Variants in KCNAB1 observed in about 807,000 individuals in gnomAD.
The protein encoded by KCNAB1 is voltage-gated potassium channel subunit beta-1.
In KCNAB1, 35 loss-of-function variants were observed where a neutral mutation model predicts 64.6. That is an observed-to-expected ratio of 0.54 (90% CI 0.41 to 0.72). The LOEUF (loss-of-function observed/expected upper bound fraction) is 0.72. Among genes scored for constraint, KCNAB1 ranks in the 30% least tolerant of loss-of-function variants. KCNAB1 has a pLI of 0.00. For missense variants in KCNAB1, 401 were observed against 512.9 expected (o/e 0.78, Z 2.11); for synonymous variants, 177 against 183.8 (o/e 0.96, Z 0.30).
chr3:156,407,521 A>G (rs1313310752), intron 1 of KCNAB1, among the ~76,000 whole-genome samples: 1 of 152,224 alleles, frequency 6.6e-6, no homozygotes, highest in African/African-American at 2.4e-5. Context: ...TAACCCTAGC[A>G]CCTAGAACAG....
At chr3:156,200,064 C>T (rs574323857) in intron 1 of KCNAB1, among the ~76,000 whole-genome samples, 2 of 152,316 alleles carry the variant, frequency 1.3e-5, no homozygotes, top group South Asian at 4.1e-4. Context: ...AGTTTTCCTT[C>T]TAACAGTCAA....
intron 1 of KCNAB1, chr3:156,291,029 C>T: frequency 1.0e-6 from 1 of 985,852 alleles, no homozygotes; most frequent in Non-Finnish European, 1.2e-6. Flanking sequence ...CCCTCTCTGC[C>T]TTCCCCCAGT....
intron 1 of KCNAB1, among the ~76,000 whole-genome samples, chr3:156,308,124 A>G (rs1180468710): frequency 3.3e-5 from 5 of 152,264 alleles, no homozygotes; most frequent in Non-Finnish European, 5.9e-5. Context: ...GGCAGGGGAC[A>G]TTATTTGATA....
intron 1 of KCNAB1, among the ~76,000 whole-genome samples, chr3:156,293,940 T>C (rs1720621030): frequency 6.6e-6 from 1 of 152,250 alleles, no homozygotes; most frequent in African/African-American, 2.4e-5. Flanking sequence ...TTAAGGCAGA[T>C]CACAGAAGGT....
At chr3:156,234,902 A>C (rs940033014) in intron 1 of KCNAB1, among the ~76,000 whole-genome samples, 17 of 152,204 alleles carry the variant, frequency 1.1e-4, no homozygotes, top group African/African-American at 3.9e-4. Context: ...GACCATAACT[A>C]TCTCTGATCT....
chr3:156,163,940 T>A (rs565777373), intron 1 of KCNAB1, among the ~76,000 whole-genome samples: 1 of 152,318 alleles, frequency 6.6e-6, no homozygotes, highest in East Asian at 1.9e-4. Flanking sequence ...GATTCATTGC[T>A]TTTTATCCTG....
At chr3:156,394,593 GA>G (rs57867607) in intron 1 of KCNAB1, among the ~76,000 whole-genome samples, 44,879 of 149,148 alleles carry the variant, frequency 0.3, 9,146 homozygotes, top group African/African-American at 0.59. Flanking sequence ...GGGGATAAAA[GA>G]AAAAAAAAAG....
intron 1 of KCNAB1, among the ~76,000 whole-genome samples, chr3:156,338,612 T>C (rs1286744464): frequency 6.6e-6 from 1 of 152,164 alleles, no homozygotes; most frequent in Non-Finnish European, 1.5e-5. Flanking sequence ...GCACCTGGCC[T>C]AGCATTTGCA....
rs4056366 is a variant in KCNAB1, at chr3:156,335,853, G to GTTTTTTT, written c.276-85753_276-85747dup. Among the ~76,000 whole-genome samples the GTTTTTTT allele has an allele frequency of 1.8e-3, 241 of 135,266 alleles. 6 individuals are homozygous for GTTTTTTT. The highest frequency in any genetic ancestry group is 6.4e-3 in the African/African-American group (235 of 36,858). The allele number at this position is 135,266 out of a possible 152,430, so 88.7% of individuals were successfully genotyped here. On this transcript the variant is annotated intron_variant, in intron 1 of 13. Transcript: ENST00000490337. Reference sequence around the variant, plus strand: ...AGTGTGATTCTATAAAATTGTTTGGGTTTTTTTTTTTTTTTTGCATTACAC... The same window carrying GTTTTTTT: ...AGTGTGATTCTATAAAATTGTTTGGGTTTTTTTTTTTTTTTTTTTTTTTGCATTACAC...
chr3:156,312,615 G>A (rs1375657352), intron 1 of KCNAB1, among the ~76,000 whole-genome samples: 1 of 142,118 alleles, frequency 7.0e-6, no homozygotes, highest in Non-Finnish European at 1.5e-5. Flanking sequence ...GGGAGGCTGA[G>A]GCAGGAGAAT....
intron 8 of KCNAB1, among the ~76,000 whole-genome samples, chr3:156,488,883 G>A (rs1254334854): frequency 2.0e-5 from 3 of 152,108 alleles, no homozygotes; most frequent in Non-Finnish European, 2.9e-5. Flanking sequence ...TAGAGGCAAC[G>A]GAAGTTCCTG....
At chr3:156,136,380 T>A (rs577474771) in intron 1 of KCNAB1, among the ~76,000 whole-genome samples, 4 of 152,282 alleles carry the variant, frequency 2.6e-5, no homozygotes, top group African/African-American at 9.6e-5. Context: ...GTGGCAAGAT[T>A]TGAACCCAAG....
chr3:156,208,512 A>G (rs1714801988), intron 1 of KCNAB1, among the ~76,000 whole-genome samples: 1 of 151,904 alleles, frequency 6.6e-6, no homozygotes, highest in Admixed American at 6.6e-5. Flanking sequence ...TTTCCAAATG[A>G]CCCCTCTGAG....
chr3:156,246,204 C>A (rs1717439288), intron 1 of KCNAB1, among the ~76,000 whole-genome samples: 1 of 152,130 alleles, frequency 6.6e-6, no homozygotes, highest in Admixed American at 6.5e-5. Flanking sequence ...TCATTTGCAT[C>A]AAATTTAATG....
At chr3:156,414,883 C>T (rs1714940349) in intron 1 of KCNAB1, among the ~76,000 whole-genome samples, 1 of 152,172 alleles carries the variant, frequency 6.6e-6, no homozygotes, top group South Asian at 2.1e-4. Flanking sequence ...TATATCCATA[C>T]AACTTTATGT....
chr3:156,506,237 A>G (rs1386059612), intron 8 of KCNAB1, among the ~76,000 whole-genome samples: 1 of 151,912 alleles, frequency 6.6e-6, no homozygotes, highest in Non-Finnish European at 1.5e-5. Context: ...TAACTCATTT[A>G]TTTTTTCAAG....
At chr3:156,294,554 C>G (rs1382812554) in intron 1 of KCNAB1, among the ~76,000 whole-genome samples, 1 of 152,132 alleles carries the variant, frequency 6.6e-6, no homozygotes, top group East Asian at 1.9e-4. Flanking sequence ...CTAAATTATC[C>G]TTTTTTACAT....
intron 1 of KCNAB1, among the ~76,000 whole-genome samples, chr3:156,304,990 G>A (rs1721395971): frequency 6.6e-6 from 1 of 151,816 alleles, no homozygotes; most frequent in African/African-American, 2.4e-5. Flanking sequence ...ACATACATGA[G>A]GTCATAGGGG....
At position 156,272,457 on chromosome 3, in the gene KCNAB1, C is replaced by A. The variant is rs541344750; in HGVS notation, c.276-149159C>A. On this transcript the variant is annotated intron_variant, in intron 1 of 13. Coordinates refer to ENST00000490337, the MANE Select transcript of KCNAB1 (RefSeq NM_172160.3). ...TTTCCAACTCTTCCCTCCCCTTTCC[C>A]CAGGCAGACGAGTCTCGCCATGTTC... is the stretch of plus-strand genomic sequence containing the variant. 5.9e-5 allele frequency among the ~76,000 whole-genome samples: 9 copies of A among 152,190 alleles called. 1 individual carries two copies. Among genetic ancestry groups the A allele is most frequent in the African/African-American group, 1.9e-4 (8 of 41,524 alleles).
Sources: gnomAD v4.1 joint callset for allele counts (sites outside exome capture counted in the v4.1 genomes callset) on GRCh38, gnomAD v4.1.1 for gene constraint, MANE v1.5 for transcripts, NCBI Gene and HGNC (gene_info 2026-07-23, HGNC 2026-07-21) for gene names.